Variants in TRPC7 observed in about 807,000 individuals in gnomAD.
The protein encoded by TRPC7 is transient receptor potential cation channel subfamily C member 7.
TRPC7 carries 42 observed loss-of-function variants against 90.1 expected under a neutral mutation model. The observed-to-expected ratio is 0.47, with a 90% CI of 0.36 to 0.60. The LOEUF is 0.60. Ranked by LOEUF, TRPC7 falls within the 20% of genes least tolerant of loss-of-function variation. The pLI is 0.00. For missense variants in TRPC7, 955 were observed against 1,112.3 expected (o/e 0.86, Z 2.01); for synonymous variants, 451 against 436.3 (o/e 1.03, Z -0.42).
intron 2 of TRPC7, among the ~76,000 whole-genome samples, chr5:136,334,250 C>G (rs1277006912): frequency 6.6e-6 from 1 of 152,054 alleles, no homozygotes; most frequent in Non-Finnish European, 1.5e-5. Context: ...GTGCATGAGA[C>G]TCATTTAAAA....
chr5:136,345,373 T>G (rs1308756955), intron 2 of TRPC7, among the ~76,000 whole-genome samples: 1 of 152,102 alleles, frequency 6.6e-6, no homozygotes, highest in Non-Finnish European at 1.5e-5. Flanking sequence ...CTGGCCAACA[T>G]GGCGAAACCC....
chr5:136,270,224 C>T (rs935476830), intron 4 of TRPC7, among the ~76,000 whole-genome samples: 3 of 152,164 alleles, frequency 2.0e-5, no homozygotes, highest in Non-Finnish European at 4.4e-5. Flanking sequence ...AAGTGCAGAT[C>T]TCTGGAGCCA....
intron 4 of TRPC7, among the ~76,000 whole-genome samples, chr5:136,267,051 T>C (rs1757057650): frequency 6.6e-6 from 1 of 152,220 alleles, no homozygotes; most frequent in South Asian, 2.1e-4. Context: ...TTCTCCCTGC[T>C]TTAAAAAATT....
At chr5:136,230,158 T>C (rs1376622790) in intron 8 of TRPC7, among the ~76,000 whole-genome samples, 1 of 152,232 alleles carries the variant, frequency 6.6e-6, no homozygotes, top group East Asian at 1.9e-4. Context: ...TTAACGAACA[T>C]CTACGTAAAA....
intron 3 of TRPC7, among the ~76,000 whole-genome samples, chr5:136,291,608 T>C (rs1334671469): frequency 6.6e-6 from 1 of 152,162 alleles, no homozygotes; most frequent in African/African-American, 2.4e-5. Flanking sequence ...TAAATATATA[T>C]GCACCCAATA....
At chr5:136,280,654 G>C (rs1170642410) in intron 3 of TRPC7, among the ~76,000 whole-genome samples, 1 of 152,192 alleles carries the variant, frequency 6.6e-6, no homozygotes, top group Non-Finnish European at 1.5e-5. Flanking sequence ...GGAAAATATT[G>C]AAATATGAGT....
chr5:136,241,252 G>A (rs1362370723), intron 7 of TRPC7, among the ~76,000 whole-genome samples: 1 of 152,210 alleles, frequency 6.6e-6, no homozygotes, highest in Non-Finnish European at 1.5e-5. Flanking sequence ...CCTTAATAGA[G>A]GTATTATTTT....
chr5:136,232,477 G>A (rs908666225), intron 7 of TRPC7, among the ~76,000 whole-genome samples: 7 of 152,230 alleles, frequency 4.6e-5, no homozygotes. Flanking sequence ...TATCAAGAAT[G>A]AGAGTGGGGA....
chr5:136,350,968 T>C (rs1334450396), intron 2 of TRPC7, among the ~76,000 whole-genome samples: 1 of 152,214 alleles, frequency 6.6e-6, no homozygotes, highest in Non-Finnish European at 1.5e-5. Flanking sequence ...AATCTGAGGG[T>C]GCTCAAGTCC....
At chr5:136,279,304 G>GT (rs1211007793) in intron 3 of TRPC7, among the ~76,000 whole-genome samples, 1 of 152,210 alleles carries the variant, frequency 6.6e-6, no homozygotes, top group African/African-American at 2.4e-5. Context: ...CCAGAGAATG[G>GT]TTTTTTGATG....
At chr5:136,301,484 A>C (rs1758384903) in intron 3 of TRPC7, among the ~76,000 whole-genome samples, 1 of 151,980 alleles carries the variant, frequency 6.6e-6, no homozygotes, top group South Asian at 2.1e-4. Flanking sequence ...AAATAATCTT[A>C]ACTGATGACA....
chr5:136,329,394 C>A (rs1419466100), intron 2 of TRPC7, among the ~76,000 whole-genome samples: 1 of 152,140 alleles, frequency 6.6e-6, no homozygotes, highest in African/African-American at 2.4e-5. Flanking sequence ...AGAGACAATA[C>A]AAGTAGCCAG....
intron 3 of TRPC7, among the ~76,000 whole-genome samples, chr5:136,309,722 C>T (rs1054750402): frequency 6.6e-5 from 10 of 152,144 alleles, no homozygotes; most frequent in South Asian, 2.1e-4. Context: ...TTCTATCAGC[C>T]GGGATTCCTG....
chr5:136,221,258 G>T (rs1247094041), intron 10 of TRPC7, among the ~76,000 whole-genome samples: 1 of 152,166 alleles, frequency 6.6e-6, no homozygotes, highest in African/African-American at 2.4e-5. Context: ...TCCCTGCCCT[G>T]CCCCATGCAT....
chr5:136,253,840 T>G (rs943962180), intron 5 of TRPC7, among the ~76,000 whole-genome samples: 3 of 152,234 alleles, frequency 2.0e-5, no homozygotes, highest in Non-Finnish European at 4.4e-5. Context: ...TTAAGGTTAG[T>G]GAGGAATGTG....
At chr5:136,254,682 A>C (rs1054408763) in intron 5 of TRPC7, among the ~76,000 whole-genome samples, 4 of 152,214 alleles carry the variant, frequency 2.6e-5, no homozygotes, top group African/African-American at 9.6e-5. Context: ...CATAGTATCC[A>C]TTTTGCAGCC....
At chr5:136,305,912 A>G (rs1332533156) in intron 3 of TRPC7, among the ~76,000 whole-genome samples, 2 of 152,196 alleles carry the variant, frequency 1.3e-5, no homozygotes, top group Non-Finnish European at 2.9e-5. Flanking sequence ...CCCTTCTCAG[A>G]AGTCAGACCT....
chr5:136,255,534 G>A (rs1365946465), intron 5 of TRPC7, among the ~76,000 whole-genome samples: 2 of 152,294 alleles, frequency 1.3e-5, no homozygotes, highest in African/African-American at 4.8e-5. Context: ...ATAGACCACA[G>A]TATAGTGTAA....
At chr5:136,304,919 T>C (rs1758553782) in intron 3 of TRPC7, among the ~76,000 whole-genome samples, 1 of 152,250 alleles carries the variant, frequency 6.6e-6, no homozygotes, top group East Asian at 1.9e-4. Context: ...CCAAACAACT[T>C]GACCTTACTG....
Sources: gnomAD v4.1 joint callset for allele counts (sites outside exome capture counted in the v4.1 genomes callset) on GRCh38, gnomAD v4.1.1 for gene constraint, MANE v1.5 for transcripts, NCBI Gene and HGNC (gene_info 2026-07-23, HGNC 2026-07-21) for gene names.